DPYD: variants seen among roughly 807,000 people sequenced by gnomAD.
The protein encoded by DPYD is dihydropyrimidine dehydrogenase.
A neutral mutation model predicts 116.2 loss-of-function variants in DPYD; 109 were observed. That is an observed-to-expected ratio of 0.94 (90% CI 0.80 to 1.10). The LOEUF (loss-of-function observed/expected upper bound fraction) is 1.10. DPYD is among the 50% of genes least tolerant of loss of function. The probability of loss-of-function intolerance (pLI) is 0.00; values close to 1 mark genes in which losing one functional copy is unlikely to be tolerated. For synonymous variants in DPYD, 440 were observed against 432.0 expected (o/e 1.02, Z -0.23); for missense variants, 1,302 against 1,254.5 (o/e 1.04, Z -0.57).
chr1:97,126,916 G>A (rs1055165618), intron 20 of DPYD, among the ~76,000 whole-genome samples: 8 of 152,058 alleles, frequency 5.3e-5, no homozygotes, highest in African/African-American at 1.9e-4. Flanking sequence ...CTCTGCCTGG[G>A]CAGTCCTTTA....
chr1:97,803,819 T>C (rs537669381), intron 3 of DPYD, among the ~76,000 whole-genome samples: 2 of 151,974 alleles, frequency 1.3e-5, no homozygotes, highest in African/African-American at 4.8e-5. Context: ...CATGGTTAGT[T>C]TTACCAAAGC....
chr1:97,328,865 T>C (rs373769684), intron 16 of DPYD, among the ~76,000 whole-genome samples: 1 of 152,208 alleles, frequency 6.6e-6, no homozygotes, highest in Non-Finnish European at 1.5e-5. Context: ...ACTGTGATTA[T>C]GTTGCAATCA....
At chr1:97,208,081 T>C (rs575707222) in intron 19 of DPYD, among the ~76,000 whole-genome samples, 1 of 152,274 alleles carries the variant, frequency 6.6e-6, no homozygotes, top group South Asian at 2.1e-4. Flanking sequence ...GCTGGGAATG[T>C]AGCCAGGAGT....
intron 11 of DPYD, among the ~76,000 whole-genome samples, chr1:97,551,126 G>A (rs1030611008): frequency 1.3e-5 from 2 of 152,132 alleles, no homozygotes; most frequent in African/African-American, 4.8e-5. Context: ...GAGTAGATGG[G>A]TCAATGCTAT....
intron 5 of DPYD, among the ~76,000 whole-genome samples, chr1:97,700,617 T>A (rs1661544341): frequency 6.6e-6 from 1 of 152,050 alleles, no homozygotes; most frequent in East Asian, 1.9e-4. Flanking sequence ...GAATAATAAG[T>A]CAACCACAGT....
chr1:97,489,574 C>A (rs1163274231), intron 13 of DPYD, among the ~76,000 whole-genome samples: 1 of 152,240 alleles, frequency 6.6e-6, no homozygotes, highest in South Asian at 2.1e-4. Context: ...ACAGCCTTGA[C>A]CTATGGTTAT....
At chr1:97,375,129 T>C (rs1036171339) in intron 15 of DPYD, among the ~76,000 whole-genome samples, 4 of 152,154 alleles carry the variant, frequency 2.6e-5, no homozygotes, top group Admixed American at 6.6e-5. Context: ...TCTATAATTT[T>C]TCCAGTGCCG....
At chr1:97,353,627 G>GTTTT (rs35564684) in intron 16 of DPYD, among the ~76,000 whole-genome samples, 3 of 133,274 alleles carry the variant, frequency 2.3e-5, no homozygotes, top group Non-Finnish European at 3.3e-5. Context: ...ACTGCATTCT[G>GTTTT]TTTTTTTTTT....
intron 14 of DPYD, among the ~76,000 whole-genome samples, chr1:97,386,402 T>A (rs929197405): frequency 6.6e-6 from 1 of 151,468 alleles, no homozygotes; most frequent in African/African-American, 2.4e-5. Context: ...TGGGAAAAAA[T>A]AAAACAGAGA....
At chr1:97,491,006 C>T (rs1011345873) in intron 13 of DPYD, among the ~76,000 whole-genome samples, 1 of 150,164 alleles carries the variant, frequency 6.7e-6, no homozygotes, top group South Asian at 2.1e-4. Flanking sequence ...TCTGCATATA[C>T]TTCTAAGATT....
chr1:97,761,214 A>T (rs933267283), intron 3 of DPYD, among the ~76,000 whole-genome samples: 3 of 152,184 alleles, frequency 2.0e-5, no homozygotes, highest in Non-Finnish European at 2.9e-5. Flanking sequence ...CCGTAGATGC[A>T]CAAATTCACA....
chr1:97,141,656 A>G (rs1005619804), intron 20 of DPYD, among the ~76,000 whole-genome samples: 1 of 151,912 alleles, frequency 6.6e-6, no homozygotes, highest in African/African-American at 2.4e-5. Context: ...TATTATCTTT[A>G]CTGTTTGTTC....
At chr1:97,081,724 T>C (rs1436498428) in intron 22 of DPYD, among the ~76,000 whole-genome samples, 1 of 149,298 alleles carries the variant, frequency 6.7e-6, no homozygotes, top group Non-Finnish European at 1.5e-5. Flanking sequence ...TTTCTTTTTT[T>C]TTTTTTTTTT....
At chr1:97,513,068 A>G (rs1647924758) in intron 13 of DPYD, among the ~76,000 whole-genome samples, 1 of 151,784 alleles carries the variant, frequency 6.6e-6, no homozygotes, top group South Asian at 2.1e-4. Flanking sequence ...AAAGAATAAT[A>G]ATATTTCTGT....
At chr1:97,248,385 C>G (rs1393672980) in intron 18 of DPYD, among the ~76,000 whole-genome samples, 1 of 152,122 alleles carries the variant, frequency 6.6e-6, no homozygotes, top group Non-Finnish European at 1.5e-5. Flanking sequence ...TGCCTGCTGC[C>G]ATCCATGTAA....
At chr1:97,457,387 C>T (rs1311727009) in intron 13 of DPYD, among the ~76,000 whole-genome samples, 1 of 152,094 alleles carries the variant, frequency 6.6e-6, no homozygotes, top group Non-Finnish European at 1.5e-5. Flanking sequence ...TTATGTCTGA[C>T]TGATAAAAAT....
At chr1:97,109,295 A>G (rs1651418623) in intron 20 of DPYD, among the ~76,000 whole-genome samples, 1 of 152,152 alleles carries the variant, frequency 6.6e-6, no homozygotes, top group Admixed American at 6.6e-5. Flanking sequence ...TAAAAATGTC[A>G]CAGAGTATTA....
chr1:97,653,398 G>C (rs930323049), intron 8 of DPYD, among the ~76,000 whole-genome samples: 1 of 151,270 alleles, frequency 6.6e-6, no homozygotes, highest in Non-Finnish European at 1.5e-5. Context: ...TCCGACTCCC[G>C]GGTTCAAGCG....
chr1:97,249,590 G>A (rs1311809298), intron 18 of DPYD, among the ~76,000 whole-genome samples: 1 of 150,572 alleles, frequency 6.6e-6, no homozygotes, highest in African/African-American at 2.4e-5. Context: ...TAAAAGCAAC[G>A]ACTAATTTAA....
Sources: allele counts gnomAD v4.1 joint callset (sites outside exome capture counted in the v4.1 genomes callset), GRCh38; gene constraint gnomAD v4.1.1; transcripts MANE v1.5; gene names NCBI Gene and HGNC (gene_info 2026-07-23, HGNC 2026-07-21).